Variants in UBXN8 observed in about 807,000 individuals in gnomAD.
UBXN8 encodes UBX domain-containing protein 8.
UBXN8 carries 27 observed loss-of-function variants against 32.1 expected under a neutral mutation model. The ratio of observed to expected loss-of-function variants is 0.84; its 90% CI spans 0.62 to 1.16. The LOEUF is 1.16. Among genes scored for constraint, UBXN8 ranks in the 50% most tolerant of loss-of-function variants. The probability of loss-of-function intolerance (pLI) is 0.00; values close to 1 mark genes in which losing one functional copy is unlikely to be tolerated. For missense variants in UBXN8, 306 were observed against 311.4 expected, an observed-to-expected ratio of 0.98 and a Z score of 0.13; for synonymous variants, 109 against 111.8, an observed-to-expected ratio of 0.98 and a Z score of 0.16.
chr8:30,751,295 C>T (rs566660287), intron 1 of UBXN8, 101 bp from the exon 2 acceptor site: 537 of 982,762 alleles, frequency 5.5e-4, no homozygotes, highest in Non-Finnish European at 7.3e-4. Flanking sequence ...AGGAGGATCA[C>T]GTGAGCTCAG....
chr8:30,743,493 G>A (rs1340090181), upstream of UBXN8, among the ~76,000 whole-genome samples: 6 of 152,198 alleles, frequency 3.9e-5, no homozygotes, highest in Admixed American at 6.5e-5. Context: ...TGTAGATTGG[G>A]AGGACCTCAG....
At chr8:30,759,350 C>T (rs1563564868) in intron 5 of UBXN8, among the ~76,000 whole-genome samples, 1 of 151,798 alleles carries the variant, frequency 6.6e-6, no homozygotes, top group Non-Finnish European at 1.5e-5. Context: ...ATTCTCATGC[C>T]TCAACCTCCT....
intron 4 of UBXN8, 79 bp downstream of exon 4, chr8:30,754,866 G>T: frequency 1.4e-6 from 2 of 1,459,502 alleles, no homozygotes; most frequent in Non-Finnish European, 1.8e-6. Flanking sequence ...AATTGAAAAT[G>T]ATGTTAGACT....
intron 7 of UBXN8, among the ~76,000 whole-genome samples, chr8:30,765,272 T>C (rs1805967683): frequency 6.6e-6 from 1 of 151,890 alleles, no homozygotes; most frequent in South Asian, 2.1e-4. Flanking sequence ...TAATTTACCA[T>C]TATTTTTATT....
chr8:30,754,314 G>C (rs1357336575), intron 3 of UBXN8: 1 of 390,710 alleles, frequency 2.6e-6, no homozygotes, highest in Admixed American at 2.8e-5. Flanking sequence ...GATGGCACTT[G>C]GTTTCCCATT....
chr8:30,735,801 C>G (rs183268240), intron 1 of UBXN8, among the ~76,000 whole-genome samples: 2 of 152,130 alleles, frequency 1.3e-5, no homozygotes, highest in Non-Finnish European at 2.9e-5. Flanking sequence ...ATCACACTAC[C>G]GCACCCCAGC....
At chr8:30,731,930 A>C (rs1804967515), upstream of UBXN8, among the ~76,000 whole-genome samples, 5 of 152,168 alleles carry the variant, frequency 3.3e-5, no homozygotes, top group South Asian at 1.0e-3. Context: ...CGCTTGGTTA[A>C]TCAGGCTACA....
intron 1 of UBXN8, among the ~76,000 whole-genome samples, chr8:30,738,352 T>C (rs901154182): frequency 6.6e-6 from 1 of 151,766 alleles, no homozygotes; most frequent in Non-Finnish European, 1.5e-5. Context: ...AGACTCTGTC[T>C]TTTTAAAAAA....
At position 30,760,592 on chromosome 8, in the gene UBXN8, G is replaced by C. The variant is rs183194454; in HGVS notation, c.529-296G>C. ...TGCATCTGGCTTGCTTTTTTACATA[G>C]TGCATTTTTATATATTAGTAATATT... On this transcript the variant is annotated intron_variant, in intron 5 of 7. Coordinates refer to ENST00000265616, the MANE Select transcript of UBXN8 (RefSeq NM_005671.4). 2.2e-3 allele frequency among the ~76,000 whole-genome samples: 329 copies of C among 151,334 alleles called. 2 individuals carry two copies. Among genetic ancestry groups the C allele is most frequent in the African/African-American group, 7.6e-3 (313 of 41,312 alleles).
chr8:30,738,094 A>G (rs748053174), intron 1 of UBXN8, among the ~76,000 whole-genome samples: 48 of 81,806 alleles, frequency 5.9e-4, no homozygotes, highest in Non-Finnish European at 1.7e-3. Context: ...CCCTGTGTCT[A>G]TTTAAAAAAA....
chr8:30,750,981 C>G (rs1805507077), intron 1 of UBXN8, among the ~76,000 whole-genome samples: 1 of 152,060 alleles, frequency 6.6e-6, no homozygotes, highest in African/African-American at 2.4e-5. Context: ...TATGAGTCAT[C>G]TATAGATGAT....
At chr8:30,747,307 GTT>G (rs59568820) in intron 1 of UBXN8, among the ~76,000 whole-genome samples, 16 of 81,724 alleles carry the variant, frequency 2.0e-4, no homozygotes, top group Admixed American at 8.8e-4. Flanking sequence ...CCTCAGTGGT[GTT>G]TTTTTTTTTT....
At chr8:30,737,646 C>A (rs1358434148) in intron 1 of UBXN8, among the ~76,000 whole-genome samples, 2 of 80,552 alleles carry the variant, frequency 2.5e-5, no homozygotes, top group Middle Eastern at 8.8e-3. Context: ...CGTGATCTCA[C>A]CACTGCACTC....
At chr8:30,732,177 G>A (rs532688997), upstream of UBXN8, 5 of 351,388 alleles carry the variant, frequency 1.4e-5, no homozygotes, top group Middle Eastern at 7.5e-4. Context: ...TCTTCGGGGA[G>A]GCATTGGCTC....
chr8:30,733,686 A>T (rs1338308694), intron 1 of UBXN8, among the ~76,000 whole-genome samples: 4 of 152,168 alleles, frequency 2.6e-5, no homozygotes, highest in Non-Finnish European at 5.9e-5. Flanking sequence ...GATGCCAGCC[A>T]CCGTGCCCAG....
At chr8:30,732,330 T>G (rs1298156741), upstream of UBXN8, 10 of 398,104 alleles carry the variant, frequency 2.5e-5, no homozygotes, top group Non-Finnish European at 4.0e-5. Context: ...ACTGTGGGTA[T>G]AAGGTGTCCA....
intron 2 of UBXN8, 38 bp downstream of exon 2, chr8:30,751,556 T>C (rs1162127150): frequency 6.6e-7 from 1 of 1,510,716 alleles, no homozygotes; most frequent in South Asian, 1.3e-5. Context: ...TATACCATTC[T>C]ACTCAAATTT....
At chr8:30,760,064 CTT>C (rs35456214) in intron 5 of UBXN8, among the ~76,000 whole-genome samples, 3 of 134,970 alleles carry the variant, frequency 2.2e-5, no homozygotes, top group African/African-American at 5.5e-5. Flanking sequence ...ATTTTCTTTT[CTT>C]TTTTTTTTTT....
At chr8:30,739,017 T>C (rs1251162449) in intron 1 of UBXN8, among the ~76,000 whole-genome samples, 1 of 150,598 alleles carries the variant, frequency 6.6e-6, no homozygotes, top group Non-Finnish European at 1.5e-5. Flanking sequence ...ATTCTTGAAA[T>C]GACAAAATTA....
Sources: allele counts gnomAD v4.1 joint callset (sites outside exome capture counted in the v4.1 genomes callset), GRCh38; gene constraint gnomAD v4.1.1; transcripts MANE v1.5; gene names NCBI Gene and HGNC (gene_info 2026-07-23, HGNC 2026-07-21).